The following KIFC3 variants were observed in gnomAD, a reference collection of about 807,000 sequenced individuals.
KIFC3 encodes kinesin family member C3.
A neutral mutation model predicts 101.8 loss-of-function variants in KIFC3; 60 were observed. The observed-to-expected ratio is 0.59, with a 90% CI of 0.48 to 0.73. The LOEUF is 0.73. Ranked by LOEUF, KIFC3 falls within the 30% of genes least tolerant of loss-of-function variation. The pLI is 0.00. For missense variants in KIFC3, 966 were observed against 1,137.1 expected (o/e 0.85, Z 2.16); for synonymous variants, 476 against 482.7 (o/e 0.99, Z 0.18).
chr16:57,805,661 TATGCCC>T (rs1261685911), upstream of KIFC3, among the ~76,000 whole-genome samples: 1 of 145,846 alleles, frequency 6.9e-6, no homozygotes, highest in Non-Finnish European at 1.5e-5. Context: ...TTCACGGTGG[TATGCCC>T]ATAGACTTTT....
Position 57,771,244 on chromosome 16 carries a change from C to T in KIFC3, c.719G>A (p.Ser240Asn). The T allele has an allele frequency of 2.5e-6, 4 of 1,613,192 alleles. No individual in the cohort carries two copies. Among genetic ancestry groups the T allele is most frequent in the Non-Finnish European group, 3.4e-6 (4 of 1,180,016 alleles). Residue 240 changes from serine (S) to asparagine (N), a missense_variant, in exon 6 of 20, where the codon AGC becomes AAC. By Grantham distance (46) the Ser-to-Asn change is conservative. Around this residue, in one of 2 missense-constraint regions of KIFC3, gnomAD observed 689 missense variants for 884.6 expected, o/e 0.78. Transcript: ENST00000445690. ...EERLSRRLRD[S>N]HETIASLRAQ... ...CCGCAGGCTGGCAATGGTCTCGTGG[C>T]TGTCACGCAGGCGCCGACTAAGCCG...
In KIFC3 at chr16:57,759,730, G is replaced by A. The variant is rs1208539839; in HGVS notation, c.2474C>T (p.Ser825Leu). The stretch of plus-strand genomic sequence containing the variant: ...CCACACTGCCACTCCAGGCTCACCC[G>A]AGGGCTGCAGCTTCCTCCGGATGGA... ...PGSIRRKLQPSA is the reference protein window; with the variant it reads ...PGSIRRKLQPLA The change falls in exon 18 of 20, where the codon TCG (serine) becomes TTG (leucine). Residue 825 changes from serine to leucine, a missense_variant and splice_region_variant. By Grantham distance (145) the Ser-to-Leu change is moderately radical. Around this residue, in one of 2 missense-constraint regions of KIFC3, gnomAD observed 689 missense variants for 884.6 expected, o/e 0.78. Coordinates refer to ENST00000445690, the MANE Select transcript of KIFC3 (RefSeq NM_001130100.2). 10 of 1,608,214 alleles carry A rather than the reference G, an allele frequency of 6.2e-6. No individual in the cohort carries two copies. Among genetic ancestry groups the A allele is most frequent in the Admixed American group, 1.7e-5 (1 of 59,374 alleles).
chr16:57,852,758 CCGTGAG>C (rs1397360571), intron 1 of KIFC3, among the ~76,000 whole-genome samples: 1 of 4,546 alleles, frequency 2.2e-4, no homozygotes, highest in Non-Finnish European at 6.4e-4. Flanking sequence ...CTGTAAGCTC[CCGTGAG>C]CCGTGAGCCA....
rs782378783 is a variant in KIFC3 at position 57,772,239 on chromosome 16, C to T, written c.365G>A (p.Arg122Gln). ...KLISQAQEVSRLRSELGGTDL... is the reference protein window; with the variant it reads ...KLISQAQEVSQLRSELGGTDL... ...TGGCCTCACCAGCTCAGATCGCAGT[C>T]GGCTCACTTCCTGGGCCTGGCTAAT... Residue 122 changes from arginine (R) to glutamine (Q), a missense_variant, in exon 4 of 20, where the codon CGA becomes CAA. This residue lies in a region of KIFC3 where 277 missense variants were observed against 252.5 expected (regional missense o/e 1.10). Coordinates refer to ENST00000445690, the MANE Select transcript of KIFC3 (RefSeq NM_001130100.2). 19 of 1,613,550 alleles carry T rather than the reference C, an allele frequency of 1.2e-5. No individual in the cohort carries two copies. The highest frequency in any genetic ancestry group is 6.7e-5 in the African/African-American group (5 of 74,908).
intron 3 of KIFC3, chr16:57,775,873 C>T (rs1260984680): frequency 6.1e-6 from 6 of 985,412 alleles, no homozygotes; most frequent in Non-Finnish European, 7.2e-6. Flanking sequence ...GACACTCCTC[C>T]CGGGCCCAGG....
At chr16:57,861,017 T>C (rs968658583) in intron 1 of KIFC3, among the ~76,000 whole-genome samples, 8 of 152,004 alleles carry the variant, frequency 5.3e-5, no homozygotes, top group African/African-American at 1.9e-4. Context: ...TGGCCAAGAA[T>C]GCCTCACCTT....
chr16:57,775,658 A>C, intron 3 of KIFC3: 1 of 985,562 alleles, frequency 1.0e-6, no homozygotes, highest in South Asian at 4.7e-5. Context: ...AGGGCCGTCC[A>C]TGTCTCTAAG....
At chr16:57,802,494 C>T (rs1387443169), upstream of KIFC3, 4 of 983,568 alleles carry the variant, frequency 4.1e-6, no homozygotes, top group Admixed American at 1.2e-4. This position sits in a 1 kb window ranked among gnomAD's most constrained non-coding sequence, Gnocchi z 5.0. Flanking sequence ...GCGCCCCTCC[C>T]GCACACTTTC....
intron 1 of KIFC3, among the ~76,000 whole-genome samples, chr16:57,831,656 C>T (rs1690833253): frequency 6.6e-6 from 1 of 152,148 alleles, no homozygotes; most frequent in Admixed American, 6.6e-5. Flanking sequence ...TACCACTGCA[C>T]TCCAACCTCG....
intron 1 of KIFC3, among the ~76,000 whole-genome samples, chr16:57,811,736 T>G (rs1413075268): frequency 6.6e-6 from 1 of 151,872 alleles, no homozygotes; most frequent in African/African-American, 2.4e-5. Context: ...GCCCACATGG[T>G]GAAACCCTGT....
At chr16:57,772,374 C>T in intron 3 of KIFC3, 86 bp from the exon 4 acceptor site, 2 of 1,145,072 alleles carry the variant, frequency 1.7e-6, no homozygotes, top group African/African-American at 1.5e-5. Flanking sequence ...CCAGGGATGA[C>T]TGATGTGGCT....
chr16:57,826,809 T>A (rs2055467027), intron 1 of KIFC3, among the ~76,000 whole-genome samples: 2 of 152,186 alleles, frequency 1.3e-5, no homozygotes, highest in Admixed American at 1.3e-4. Context: ...AAAGTCAGAT[T>A]CCTGATCATA....
chr16:57,770,071 C>T, intron 7 of KIFC3, 116 bp from the exon 8 acceptor site: 1 of 1,233,756 alleles, frequency 8.1e-7, no homozygotes, highest in Non-Finnish European at 1.1e-6. Flanking sequence ...TGCACACACA[C>T]ATGTGCACAC....
chr16:57,796,995 C>T (rs2054377254), intron 2 of KIFC3, among the ~76,000 whole-genome samples: 1 of 152,256 alleles, frequency 6.6e-6, no homozygotes, highest in African/African-American at 2.4e-5. Flanking sequence ...AAAGCCCAGG[C>T]TTTTCCCCAG....
rs533476185 is a variant in KIFC3, at chr16:57,770,483, TCTGGCTTC to T, written c.939+36_939+43del. The T allele has an allele frequency of 5.2e-5, 71 of 1,359,930 alleles. No individual in the cohort carries two copies. The Admixed American group carries it at 1.0e-3, about 20-fold the overall frequency. The allele number at this position is 1,359,930 out of a possible 1,614,324, so 84.2% of individuals were successfully genotyped here. A position where few individuals can be genotyped will look rare whatever the true frequency, so the allele number is the denominator to read the frequency against. On this transcript the variant is annotated intron_variant, in intron 7 of 19. Coordinates refer to ENST00000445690, the MANE Select transcript of KIFC3 (RefSeq NM_001130100.2). Reference sequence around the variant, plus strand: ...CGATGCATTGGCCCAAGGGCCTGCCTCTGGCTTCCTGGCTGGGCATGTGCCCCCACACA... The same window carrying T: ...CGATGCATTGGCCCAAGGGCCTGCCTCTGGCTGGGCATGTGCCCCCACACA...
At chr16:57,777,036 G>A (rs2052183631) in intron 3 of KIFC3, 1 of 152,162 alleles carries the variant, frequency 6.6e-6, no homozygotes, top group Admixed American at 6.5e-5. Flanking sequence ...ACAAAAATCG[G>A]TTACATTTCT....
At chr16:57,780,440 G>A (rs1393621495) in intron 3 of KIFC3, among the ~76,000 whole-genome samples, 1 of 151,878 alleles carries the variant, frequency 6.6e-6, no homozygotes, top group Non-Finnish European at 1.5e-5. Flanking sequence ...GAACTCAGGA[G>A]GCAGAGGTTG....
intron 1 of KIFC3, among the ~76,000 whole-genome samples, chr16:57,827,223 G>A (rs751329528): frequency 3.3e-5 from 5 of 152,216 alleles, no homozygotes; most frequent in Admixed American, 6.5e-5. Flanking sequence ...GGAGCCTGGC[G>A]TCAGCGAGCT....
upstream of KIFC3, chr16:57,802,681 G>A: frequency 1.0e-6 from 1 of 961,876 alleles, no homozygotes; most frequent in Non-Finnish European, 1.4e-6. This position sits in a 1 kb window ranked among gnomAD's most constrained non-coding sequence, Gnocchi z 5.0. Flanking sequence ...CCTTCGCGGG[G>A]CCTCCCACTC....
Sources: gnomAD v4.1 joint callset for allele counts (sites outside exome capture counted in the v4.1 genomes callset) on GRCh38, gnomAD v4.1.1 for gene constraint, gnomAD v4.1.1 regional missense constraint, Gnocchi (gnomAD v3.1) non-coding constraint, MANE v1.5 for transcripts, NCBI Gene and HGNC (gene_info 2026-07-23, HGNC 2026-07-21) for gene names.